RNF121: variants seen among roughly 807,000 people sequenced by gnomAD.
The protein encoded by RNF121 is ring finger protein 121.
RNF121 carries 21 observed loss-of-function variants against 46.5 expected under a neutral mutation model. The ratio of observed to expected loss-of-function variants is 0.45; its 90% confidence interval spans 0.32 to 0.65. RNF121 has a LOEUF of 0.65. Ranked by LOEUF, RNF121 falls within the 30% of genes least tolerant of loss-of-function variation. The probability of loss-of-function intolerance (pLI) is 0.04; values close to 1 mark genes in which losing one functional copy is unlikely to be tolerated. For synonymous variants in RNF121, 139 were observed against 144.7 expected (o/e 0.96, Z 0.28); for missense variants, 346 against 416.0 (o/e 0.83, Z 1.46).
intron 3 of RNF121, among the ~76,000 whole-genome samples, chr11:71,961,502 G>A (rs2134177843): frequency 6.6e-6 from 1 of 152,218 alleles, no homozygotes. Context: ...GGTCAAGGCT[G>A]CAGTGAGTCG....
chr11:71,956,352 A>G (rs1011946432), intron 1 of RNF121, among the ~76,000 whole-genome samples: 2 of 152,180 alleles, frequency 1.3e-5, no homozygotes, highest in African/African-American at 2.4e-5. Context: ...GAGGTAGAAG[A>G]CTTGAGCCCT....
chr11:71,946,359 A>G (rs1334906499), intron 1 of RNF121, among the ~76,000 whole-genome samples: 1 of 152,224 alleles, frequency 6.6e-6, no homozygotes, highest in Non-Finnish European at 1.5e-5. Context: ...GAGTGAAAGA[A>G]GACAGTCACA....
chr11:71,993,796 G>A (rs183574108), intron 6 of RNF121, among the ~76,000 whole-genome samples: 2 of 150,776 alleles, frequency 1.3e-5, no homozygotes, highest in East Asian at 1.9e-4. Flanking sequence ...TTATGATAAT[G>A]CTTAAGTGAA....
intron 1 of RNF121, among the ~76,000 whole-genome samples, chr11:71,950,322 C>T (rs1303556799): frequency 6.6e-6 from 1 of 152,098 alleles, no homozygotes; most frequent in East Asian, 1.9e-4. Flanking sequence ...CGGTGGCTCA[C>T]GCCTGTAATC....
chr11:71,990,949 A>G (rs952899523), intron 6 of RNF121, among the ~76,000 whole-genome samples: 15 of 152,256 alleles, frequency 9.9e-5, no homozygotes, highest in African/African-American at 3.6e-4. Context: ...GGCCTTTATC[A>G]TAAGCCAGTT....
intron 3 of RNF121, among the ~76,000 whole-genome samples, chr11:71,966,632 C>T (rs1274048303): frequency 6.6e-6 from 1 of 151,708 alleles, no homozygotes; most frequent in East Asian, 1.9e-4. Flanking sequence ...CAGGTACACA[C>T]CACCACGCTT....
At chr11:71,948,767 AAT>A (rs937570864) in intron 1 of RNF121, among the ~76,000 whole-genome samples, 1 of 152,160 alleles carries the variant, frequency 6.6e-6, no homozygotes, top group African/African-American at 2.4e-5. Context: ...ATTAGCCTTG[AAT>A]TCTTGGCAAA....
At chr11:71,953,081 T>C (rs1018937061) in intron 1 of RNF121, among the ~76,000 whole-genome samples, 1 of 152,218 alleles carries the variant, frequency 6.6e-6, no homozygotes. Context: ...TCACCCAGAC[T>C]GGAGTGCATT....
chr11:71,980,864 ATT>A (rs1186339358), intron 3 of RNF121, among the ~76,000 whole-genome samples: 2 of 152,352 alleles, frequency 1.3e-5, no homozygotes, highest in Admixed American at 1.3e-4. Flanking sequence ...TTCATAAATA[ATT>A]TTAATCTTGA....
chr11:71,950,070 A>G (rs1283985240), intron 1 of RNF121, among the ~76,000 whole-genome samples: 1 of 152,038 alleles, frequency 6.6e-6, no homozygotes, highest in African/African-American at 2.4e-5. Flanking sequence ...AACAAAAAAT[A>G]TAAAAAAAAG....
chr11:71,972,073 A>G (rs1041007286), intron 3 of RNF121, among the ~76,000 whole-genome samples: 2 of 152,226 alleles, frequency 1.3e-5, no homozygotes, highest in Non-Finnish European at 2.9e-5. Context: ...AAGTACCTGT[A>G]GGAACTTGGG....
At chr11:71,942,924 G>A (rs1284142138) in intron 1 of RNF121, among the ~76,000 whole-genome samples, 2 of 152,002 alleles carry the variant, frequency 1.3e-5, no homozygotes, top group East Asian at 3.9e-4. Flanking sequence ...CTTCAAAGGG[G>A]GCTCCTTGTT....
chr11:71,987,866 A>G (rs150731016), intron 5 of RNF121, among the ~76,000 whole-genome samples: 13 of 152,188 alleles, frequency 8.5e-5, no homozygotes, highest in Non-Finnish European at 4.4e-5. Context: ...GTGTGAGGGA[A>G]TGAGATGACA....
At chr11:71,987,349 A>G (rs1394180873) in intron 5 of RNF121, among the ~76,000 whole-genome samples, 1 of 152,222 alleles carries the variant, frequency 6.6e-6, no homozygotes, top group Non-Finnish European at 1.5e-5. Flanking sequence ...AAGGCTTTAT[A>G]TTTTAGTGGA....
At chr11:71,983,267 A>C (rs1565159497) in intron 4 of RNF121, 1 of 166,510 alleles carries the variant, frequency 6.0e-6, no homozygotes, top group African/African-American at 2.4e-5. Context: ...GTCATTGCAC[A>C]GTAGTTTTCC....
chr11:71,939,054 G>T (rs554764093), intron 1 of RNF121, among the ~76,000 whole-genome samples: 1 of 152,036 alleles, frequency 6.6e-6, no homozygotes, highest in East Asian at 1.9e-4. Context: ...ACAGGCACCC[G>T]CCATCATGCC....
intron 1 of RNF121, among the ~76,000 whole-genome samples, chr11:71,936,529 A>G (rs1330699077): frequency 6.6e-6 from 1 of 151,968 alleles, no homozygotes; most frequent in Non-Finnish European, 1.5e-5. Flanking sequence ...AGCTGGGACT[A>G]CAGGTGCCTG....
chr11:71,952,493 G>A (rs150338201), intron 1 of RNF121, among the ~76,000 whole-genome samples: 34 of 152,098 alleles, frequency 2.2e-4, no homozygotes, highest in African/African-American at 8.2e-4. Context: ...TAAGTTTGTG[G>A]GATACAGACT....
chr11:71,967,124 G>T (rs1217662363), intron 3 of RNF121, among the ~76,000 whole-genome samples: 1 of 150,116 alleles, frequency 6.7e-6, no homozygotes, highest in Non-Finnish European at 1.5e-5. Flanking sequence ...ACCCGCCTCG[G>T]CCTCCCAAAG....
Sources: allele counts gnomAD v4.1 joint callset (sites outside exome capture counted in the v4.1 genomes callset), GRCh38; gene constraint gnomAD v4.1.1; transcripts MANE v1.5; gene names NCBI Gene and HGNC (gene_info 2026-07-23, HGNC 2026-07-21).